TBXAS1: variants seen among roughly 807,000 people sequenced by gnomAD.
The protein encoded by TBXAS1 is thromboxane-A synthase.
A neutral mutation model predicts 60.7 loss-of-function variants in TBXAS1; 48 were observed. The ratio of observed to expected loss-of-function variants is 0.79; its 90% CI spans 0.63 to 1.01. The LOEUF (loss-of-function observed/expected upper bound fraction) is 1.01, where lower values mean the gene tolerates loss of function less well. Among genes scored for constraint, TBXAS1 ranks in the 50% least tolerant of loss-of-function variants. TBXAS1 has a pLI of 0.00. For missense variants in TBXAS1, 685 were observed against 686.3 expected (o/e 1.00, Z 0.02); for synonymous variants, 287 against 269.7 (o/e 1.06, Z -0.63).
intron 4 of TBXAS1, among the ~76,000 whole-genome samples, chr7:139,918,026 T>A (rs1344417719): frequency 6.6e-6 from 1 of 152,170 alleles, no homozygotes; most frequent in African/African-American, 2.4e-5. Flanking sequence ...TTCCAGAACA[T>A]TCCATGGAAA....
chr7:139,875,913 C>T lies in TBXAS1; in HGVS notation c.236+276C>T, dbSNP rs561836603. The T allele has an allele frequency of 4.4e-4, 222 of 503,242 alleles. 1 individual carries two copies. The highest frequency in any genetic ancestry group is 3.8e-3 in the African/African-American group (195 of 51,642). 31.2% of individuals were successfully genotyped at this position (503,242 alleles called of 1,614,324 possible). A position where few individuals can be genotyped will look rare whatever the true frequency, so the allele number is the denominator to read the frequency against. ...TGCTGGGCTGGGCACAGCATCATCT[C>T]CCGTTGCTGTGCTGAGGGGTGTTGC... is the stretch of plus-strand genomic sequence containing the variant. On this transcript the variant is annotated intron_variant, in intron 3 of 12. Transcript: ENST00000448866.
intron 4 of TBXAS1, chr7:139,912,936 A>G: frequency 6.7e-6 from 4 of 597,834 alleles, no homozygotes; most frequent in Non-Finnish European, 6.0e-6. Context: ...TTCATGTGCC[A>G]TCTCTCAACT....
chr7:139,868,490 T>TATTTATTTATTC (rs1410126340), intron 1 of TBXAS1, among the ~76,000 whole-genome samples: 4 of 151,418 alleles, frequency 2.6e-5, no homozygotes, highest in African/African-American at 9.8e-5. Context: ...TTTATTTATT[T>TATTTATTTATTC]ATTCATTTTT....
At chr7:139,992,579 T>C (rs144872143) in intron 9 of TBXAS1, among the ~76,000 whole-genome samples, 1 of 152,174 alleles carries the variant, frequency 6.6e-6, no homozygotes, top group Non-Finnish European at 1.5e-5. Context: ...AGGGCTGAAA[T>C]AGCATCAGGT....
At chr7:139,907,159 T>G (rs1192054445) in intron 3 of TBXAS1, among the ~76,000 whole-genome samples, 2 of 152,184 alleles carry the variant, frequency 1.3e-5, no homozygotes, top group Non-Finnish European at 2.9e-5. Context: ...AAGTATGACA[T>G]TAGCTGTAAG....
chr7:139,830,970 T>C (rs1283529918), intron 1 of TBXAS1, among the ~76,000 whole-genome samples: 1 of 152,018 alleles, frequency 6.6e-6, no homozygotes, highest in Non-Finnish European at 1.5e-5. Flanking sequence ...AGGGCAGCTA[T>C]GTGTTTGCTG....
intron 2 of TBXAS1, among the ~76,000 whole-genome samples, chr7:139,874,547 A>G (rs1319754294): frequency 6.6e-6 from 1 of 152,176 alleles, no homozygotes; most frequent in African/African-American, 2.4e-5. Context: ...TACGCTGCAG[A>G]ATTCAGTAGA....
In TBXAS1 at chr7:139,986,785, G is replaced by GTA. The variant is rs1812513325; in HGVS notation, c.1135-20305_1135-20304insAT. On this transcript the variant is annotated intron_variant, in intron 9 of 12. Coordinates refer to ENST00000448866, the MANE Select transcript of TBXAS1 (RefSeq NM_001061.7). ...TGTGTGTGTGTGTGTGTGTGTGTGT[G>GTA]TGTGTGTGTGTGTGTATATATATAT... 1.2e-4 allele frequency among the ~76,000 whole-genome samples: 6 copies of GTA among 50,150 alleles called. No homozygotes were observed. The Admixed American group carries it at 1.8e-3, about 15-fold the overall frequency. 32.9% of individuals were successfully genotyped at this position (50,150 alleles called of 152,430 possible). A position where few individuals can be genotyped will look rare whatever the true frequency, so the allele number is the denominator to read the frequency against.
chr7:139,905,004 TC>T (rs200523167), intron 3 of TBXAS1, among the ~76,000 whole-genome samples: 1,817 of 84,132 alleles, frequency 0.022, 48 homozygotes, highest in Admixed American at 0.12. Flanking sequence ...TCTCTCTTTC[TC>T]TCTTTCTTTC....
At chr7:139,793,293 T>C (rs1797446593) in intron 4 of TBXAS1, among the ~76,000 whole-genome samples, 1 of 151,924 alleles carries the variant, frequency 6.6e-6, no homozygotes, top group South Asian at 2.1e-4. Context: ...GGTGGCGCAC[T>C]CTTGTAGTCC....
chr7:139,946,715 T>C (rs1034791), intron 5 of TBXAS1, among the ~76,000 whole-genome samples: 122,501 of 152,154 alleles, frequency 0.81, 49,915 homozygotes, highest in African/African-American at 0.94. Context: ...CACTCCCTGC[T>C]TTCTGTGCCA....
rs757418800 is a variant in TBXAS1 at position 139,872,261 on chromosome 7, T to C, written c.116T>C (p.Leu39Pro). Residue 39 changes from leucine (L) to proline (P), a missense_variant, in exon 2 of 13, where the codon CTG becomes CCG. Leu to Pro is a moderately conservative substitution (Grantham distance 98). Transcript: ENST00000448866. ...KWYSTSAFSR[L>P]EKLGLRHPKP... The stretch of plus-strand genomic sequence containing the variant: ...TACTCCACATCAGCATTCTCAAGAC[T>C]GGAGAAGTTAGGCCTCAGACATCCC... The C allele has an allele frequency of 1.2e-6, 2 of 1,614,144 alleles. No individual in the cohort carries two copies. The highest frequency in any genetic ancestry group is 1.7e-6 in the Non-Finnish European group (2 of 1,179,966).
intron 1 of TBXAS1, among the ~76,000 whole-genome samples, chr7:139,857,252 A>G (rs1800643370): frequency 6.6e-6 from 1 of 152,260 alleles, no homozygotes; most frequent in Admixed American, 6.5e-5. Flanking sequence ...TTCAAGGACC[A>G]GATACAAGAG....
At chr7:139,879,187 T>G (rs1218131693) in intron 3 of TBXAS1, among the ~76,000 whole-genome samples, 1 of 152,126 alleles carries the variant, frequency 6.6e-6, no homozygotes, top group Non-Finnish European at 1.5e-5. Flanking sequence ...CCACCAACAC[T>G]GCCACCACCA....
intron 5 of TBXAS1, chr7:139,952,636 C>T (rs935956478): frequency 4.6e-6 from 7 of 1,537,140 alleles, no homozygotes; most frequent in East Asian, 2.4e-5. Context: ...ACCCGTTTGT[C>T]GAAGCCGAGT....
intron 1 of TBXAS1, among the ~76,000 whole-genome samples, chr7:139,845,775 T>C (rs944912553): frequency 1.3e-5 from 2 of 152,116 alleles, no homozygotes; most frequent in African/African-American, 4.8e-5. Flanking sequence ...TGCAACCAGC[T>C]TTCACCCTGA....
chr7:139,794,492 C>T (rs1202472171), intron 4 of TBXAS1, among the ~76,000 whole-genome samples: 1 of 151,616 alleles, frequency 6.6e-6, no homozygotes, highest in Non-Finnish European at 1.5e-5. Context: ...CTTTTCTAGC[C>T]AATCTTCTGT....
At chr7:140,016,702 A>T (rs1815103258) in intron 11 of TBXAS1, 1 of 157,118 alleles carries the variant, frequency 6.4e-6, no homozygotes, top group Non-Finnish European at 1.4e-5. Context: ...GTGATTGGAA[A>T]CATCTGAGCA....
intron 1 of TBXAS1, among the ~76,000 whole-genome samples, chr7:139,835,854 A>C (rs1162750292): frequency 6.6e-6 from 1 of 152,108 alleles, no homozygotes; most frequent in Non-Finnish European, 1.5e-5. Context: ...GTTTGCTGAC[A>C]ATACAATCGT....
Sources: allele counts gnomAD v4.1 joint callset (sites outside exome capture counted in the v4.1 genomes callset), GRCh38; gene constraint gnomAD v4.1.1; transcripts MANE v1.5; gene names NCBI Gene and HGNC (gene_info 2026-07-23, HGNC 2026-07-21).